DNAH14: variants seen among roughly 807,000 people sequenced by gnomAD.
The protein encoded by DNAH14 is axonemal beta dynein heavy chain 14.
Under a neutral mutation model 520.9 loss-of-function variants are expected in DNAH14, and 478 were observed. That is an observed-to-expected ratio of 0.92 (90% CI 0.85 to 0.99). The LOEUF (loss-of-function observed/expected upper bound fraction) is 0.99. Among genes scored for constraint, DNAH14 ranks in the 50% least tolerant of loss-of-function variants. The probability of loss-of-function intolerance (pLI) is 0.00; values close to 1 mark genes in which losing one functional copy is unlikely to be tolerated. For missense variants in DNAH14, 4,831 were observed against 5,234.5 expected (o/e 0.92, Z 2.38); for synonymous variants, 1,581 against 1,757.2 (o/e 0.90, Z 2.51).
At chr1:225,341,129 C>G (rs2150384057) in intron 69 of DNAH14, among the ~76,000 whole-genome samples, 1 of 151,870 alleles carries the variant, frequency 6.6e-6, no homozygotes, top group East Asian at 1.9e-4. Flanking sequence ...TTTTTTTAGA[C>G]AGTCTTACTC....
chr1:224,960,665 A>G (rs1457784051), intron 4 of DNAH14, among the ~76,000 whole-genome samples: 3 of 151,716 alleles, frequency 2.0e-5, no homozygotes, highest in African/African-American at 4.9e-5. Context: ...TTAAATCCCC[A>G]AATAAATAGT....
intron 43 of DNAH14, among the ~76,000 whole-genome samples, chr1:225,251,560 C>T (rs925873188): frequency 1.3e-5 from 2 of 152,048 alleles, no homozygotes; most frequent in African/African-American, 2.4e-5. Flanking sequence ...ACACTAAAAG[C>T]ATAATCCATA....
At chr1:225,187,461 G>A (rs1396419871) in intron 37 of DNAH14, among the ~76,000 whole-genome samples, 4 of 151,782 alleles carry the variant, frequency 2.6e-5, no homozygotes, top group Non-Finnish European at 5.9e-5. Flanking sequence ...AAACATTTGT[G>A]TACAAGTTGA....
chr1:225,255,641 C>G (rs1421839919), intron 44 of DNAH14, among the ~76,000 whole-genome samples: 3 of 152,164 alleles, frequency 2.0e-5, no homozygotes, highest in East Asian at 3.9e-4. Context: ...GACATACTTT[C>G]TATAGAGTGG....
At chr1:225,368,134 T>A in intron 77 of DNAH14, 102 bp downstream of exon 77, 1 of 1,044,736 alleles carries the variant, frequency 9.6e-7, no homozygotes, top group Non-Finnish European at 1.4e-6. Context: ...TACATGGTGG[T>A]AAGAAAATGA....
chr1:225,393,982 CTAA>C (rs2095964644), intron 84 of DNAH14, among the ~76,000 whole-genome samples: 2 of 152,000 alleles, frequency 1.3e-5, no homozygotes, highest in Admixed American at 1.3e-4. Context: ...CCACACCCGG[CTAA>C]TATTTTTTGT....
At chr1:225,278,591 T>C (rs1001646572) in intron 54 of DNAH14, among the ~76,000 whole-genome samples, 4 of 152,178 alleles carry the variant, frequency 2.6e-5, no homozygotes, top group Non-Finnish European at 4.4e-5. Context: ...ACACATTAAT[T>C]TTTCATTTAT....
intron 77 of DNAH14, among the ~76,000 whole-genome samples, chr1:225,373,503 AGAGG>A (rs1251510634): frequency 1.3e-5 from 2 of 151,874 alleles, no homozygotes; most frequent in Admixed American, 1.3e-4. Flanking sequence ...GGGGATAGGA[AGAGG>A]GAGGCGGAGG....
intron 10 of DNAH14, among the ~76,000 whole-genome samples, chr1:225,014,765 T>C (rs2065076562): frequency 6.6e-6 from 1 of 152,234 alleles, no homozygotes; most frequent in African/African-American, 2.4e-5. Context: ...ATAATGTGTA[T>C]TCTGCAGCTG....
intron 71 of DNAH14, among the ~76,000 whole-genome samples, chr1:225,351,056 TCA>T (rs1412918720): frequency 2.0e-5 from 3 of 152,176 alleles, no homozygotes; most frequent in Non-Finnish European, 4.4e-5. Context: ...GAGTTTATTC[TCA>T]GTTTCACAAC....
At chr1:225,212,167 G>C (rs1034975663) in intron 41 of DNAH14, among the ~76,000 whole-genome samples, 10 of 149,072 alleles carry the variant, frequency 6.7e-5, no homozygotes, top group African/African-American at 2.5e-4. Flanking sequence ...CTGGTTTTCT[G>C]TCCTTGTGAG....
At chr1:225,358,734 C>A in intron 74 of DNAH14, 82 bp downstream of exon 74, 2 of 1,386,264 alleles carry the variant, frequency 1.4e-6, no homozygotes, top group South Asian at 1.4e-5. Context: ...AATTGTAATC[C>A]CCATAATCCC....
chr1:225,299,987 T>C (rs2094107346), intron 55 of DNAH14, among the ~76,000 whole-genome samples: 1 of 152,180 alleles, frequency 6.6e-6, no homozygotes, highest in African/African-American at 2.4e-5. Flanking sequence ...TACCTACTTT[T>C]TTAAATGCTT....
At chr1:225,169,489 T>C (rs1273823002) in intron 36 of DNAH14, among the ~76,000 whole-genome samples, 3 of 152,144 alleles carry the variant, frequency 2.0e-5, no homozygotes, top group Non-Finnish European at 4.4e-5. Context: ...ACGAGAACGA[T>C]GTGACGCATG....
Position 225,346,515 on chromosome 1 carries a change from T to G in DNAH14, c.11157T>G (p.Thr3719=). 1 of 1,551,352 alleles carries G rather than the reference T, an allele frequency of 6.4e-7. No homozygotes were observed. Residue 3719 remains threonine (T), a synonymous_variant, in exon 71 of 86, where the codon ACT becomes ACG. Transcript: ENST00000682510. The stretch of plus-strand genomic sequence containing the variant: ...TTTGCTTCTCTTTTCGGCTTTGCAC[T>G]GTAATCATGCAAAACAATGCTAATG... ...DKLCFSFRLC[T]VIMQNNANGN...
intron 64 of DNAH14, among the ~76,000 whole-genome samples, chr1:225,330,027 A>G (rs1035572113): frequency 1.3e-5 from 2 of 152,226 alleles, no homozygotes; most frequent in Admixed American, 6.5e-5. Flanking sequence ...AAGACATACC[A>G]ATGGCAAAAA....
At chr1:225,110,419 T>C (rs2076395320) in intron 23 of DNAH14, among the ~76,000 whole-genome samples, 1 of 152,014 alleles carries the variant, frequency 6.6e-6, no homozygotes, top group African/African-American at 2.4e-5. Flanking sequence ...TGTATGTGTT[T>C]AGGAATTTAT....
At chr1:225,188,194 T>A (rs1459653202) in intron 37 of DNAH14, among the ~76,000 whole-genome samples, 2 of 151,916 alleles carry the variant, frequency 1.3e-5, no homozygotes, top group Non-Finnish European at 2.9e-5. Flanking sequence ...CAGTTACTCA[T>A]GGTCAACTGT....
At chr1:225,287,095 G>A (rs1343848827) in intron 54 of DNAH14, among the ~76,000 whole-genome samples, 2 of 152,088 alleles carry the variant, frequency 1.3e-5, no homozygotes, top group Non-Finnish European at 2.9e-5. Context: ...TGAAACACAA[G>A]ATATTTTAGG....
Sources: gnomAD v4.1 joint callset for allele counts (sites outside exome capture counted in the v4.1 genomes callset) on GRCh38, gnomAD v4.1.1 for gene constraint, MANE v1.5 for transcripts, NCBI Gene and HGNC (gene_info 2026-07-23, HGNC 2026-07-21) for gene names.